Variants in TOM1L2 observed in about 807,000 individuals in gnomAD.
TOM1L2 encodes TOM1-like protein 2.
Under a neutral mutation model 67.9 loss-of-function variants are expected in TOM1L2, and 31 were observed. The observed-to-expected ratio is 0.46, with a 90% confidence interval of 0.34 to 0.62. TOM1L2 has a LOEUF of 0.62. TOM1L2 is among the 20% of genes least tolerant of loss of function. The probability of loss-of-function intolerance (pLI) is 0.01; values close to 1 mark genes in which losing one functional copy is unlikely to be tolerated. For synonymous variants in TOM1L2, 256 were observed against 254.0 expected, an observed-to-expected ratio of 1.01 and a Z score of -0.07; for missense variants, 606 against 663.5, an observed-to-expected ratio of 0.91 and a Z score of 0.95.
intron 1 of TOM1L2, among the ~76,000 whole-genome samples, chr17:17,947,297 T>C (rs2040993685): frequency 6.6e-6 from 1 of 152,164 alleles, no homozygotes; most frequent in South Asian, 2.1e-4. Flanking sequence ...GTGCTGGGAT[T>C]ATAGACATGA....
intron 1 of TOM1L2, among the ~76,000 whole-genome samples, chr17:17,929,056 C>G (rs577721082): frequency 3.2e-4 from 49 of 152,310 alleles, no homozygotes; most frequent in African/African-American, 1.2e-3. Flanking sequence ...TGAAGATTCC[C>G]CAAGCACTGC....
At chr17:17,912,172 C>T (rs1169649299) in intron 1 of TOM1L2, among the ~76,000 whole-genome samples, 1 of 152,286 alleles carries the variant, frequency 6.6e-6, no homozygotes, top group African/African-American at 2.4e-5. Context: ...CCGCTGGGCA[C>T]ACCTCCCAGA....
intron 12 of TOM1L2, among the ~76,000 whole-genome samples, chr17:17,852,627 A>G (rs2036036544): frequency 6.6e-6 from 1 of 152,216 alleles, no homozygotes; most frequent in South Asian, 2.1e-4. Flanking sequence ...GCACTTTGGG[A>G]GGCCGAGGCG....
intron 1 of TOM1L2, among the ~76,000 whole-genome samples, chr17:17,928,449 C>T (rs1247568535): frequency 6.6e-6 from 1 of 152,192 alleles, no homozygotes; most frequent in African/African-American, 2.4e-5. Context: ...ATATTATGTG[C>T]ATACTAATCA....
At chr17:17,933,144 C>T (rs1343779452) in intron 1 of TOM1L2, among the ~76,000 whole-genome samples, 1 of 152,160 alleles carries the variant, frequency 6.6e-6, no homozygotes, top group Non-Finnish European at 1.5e-5. Flanking sequence ...GACCCAGGAA[C>T]TTTTTGTCTT....
chr17:17,952,376 CTTTTTTTTTTTTTTTTTT>C (rs60388742), intron 1 of TOM1L2, among the ~76,000 whole-genome samples: 1 of 79,920 alleles, frequency 1.3e-5, no homozygotes, highest in African/African-American at 4.4e-5. Flanking sequence ...TCTTTATTTT[CTTTTTTTTTTTTTTTTTT>C]TTTTTTTTTT....
At chr17:17,968,795 T>G (rs532355371) in intron 1 of TOM1L2, among the ~76,000 whole-genome samples, 1 of 152,212 alleles carries the variant, frequency 6.6e-6, no homozygotes, top group Admixed American at 6.5e-5. Context: ...TACTCACAGA[T>G]GTGCCTGTGC....
At chr17:17,917,993 T>C (rs2039700522) in intron 1 of TOM1L2, among the ~76,000 whole-genome samples, 1 of 152,166 alleles carries the variant, frequency 6.6e-6, no homozygotes, top group African/African-American at 2.4e-5. Flanking sequence ...CAGGATGTTT[T>C]TCCATATATT....
chr17:17,883,439 A>G (rs899094400), intron 5 of TOM1L2, among the ~76,000 whole-genome samples: 4 of 152,322 alleles, frequency 2.6e-5, no homozygotes, highest in Admixed American at 1.3e-4. Context: ...GCCTCCAGAA[A>G]GGGCAATCCC....
intron 2 of TOM1L2, among the ~76,000 whole-genome samples, chr17:17,901,426 C>T (rs1454714921): frequency 6.6e-6 from 1 of 152,182 alleles, no homozygotes; most frequent in Non-Finnish European, 1.5e-5. Context: ...CTCACAGCCT[C>T]GTGATTTGGC....
chr17:17,853,445 T>A (rs992452390), intron 12 of TOM1L2, among the ~76,000 whole-genome samples: 1 of 152,208 alleles, frequency 6.6e-6, no homozygotes, highest in African/African-American at 2.4e-5. Flanking sequence ...AACAAATCCC[T>A]TGAGGCCTGG....
chr17:17,869,305 A>AG (rs1405136407), intron 8 of TOM1L2, 35 bp downstream of exon 8: 33 of 1,551,730 alleles, frequency 2.1e-5, no homozygotes, highest in Non-Finnish European at 2.4e-5. Context: ...AATCTTTTCA[A>AG]GGGAAAAAAA....
chr17:17,891,326 A>G (rs2038260555), intron 4 of TOM1L2, among the ~76,000 whole-genome samples: 1 of 152,220 alleles, frequency 6.6e-6, no homozygotes, highest in Non-Finnish European at 1.5e-5. Flanking sequence ...CATGCCCACA[A>G]TAAATTAGTA....
intron 1 of TOM1L2, among the ~76,000 whole-genome samples, chr17:17,956,859 A>G (rs989705783): frequency 1.4e-4 from 21 of 151,932 alleles, no homozygotes; most frequent in Non-Finnish European, 2.8e-4. Flanking sequence ...CTCCCTCCAC[A>G]TCTCCCTGCA....
At chr17:17,869,118 A>T in intron 8 of TOM1L2, 1 of 779,282 alleles carries the variant, frequency 1.3e-6, no homozygotes, top group Non-Finnish European at 1.9e-6. Flanking sequence ...GGCAGAGCCT[A>T]ATTCTGCACG....
At chr17:17,927,898 CA>C (rs1266244776) in intron 1 of TOM1L2, among the ~76,000 whole-genome samples, 1 of 152,124 alleles carries the variant, frequency 6.6e-6, no homozygotes, top group East Asian at 1.9e-4. Context: ...GTTGGGATTA[CA>C]GGCATGAACC....
intron 3 of TOM1L2, 48 bp from the exon 4 acceptor site, chr17:17,893,858 AAGACACTGGGAACTGAGGAGC>A: frequency 6.3e-7 from 1 of 1,586,332 alleles, no homozygotes; most frequent in Non-Finnish European, 8.6e-7. Context: ...GGAGCTGGAG[AAGACACTGGGAACTGAGGAGC>A]GCAGCTGAGT....
chr17:17,882,347 CGA>C (rs1470389696), intron 6 of TOM1L2, among the ~76,000 whole-genome samples: 9 of 152,236 alleles, frequency 5.9e-5, no homozygotes, highest in Non-Finnish European at 1.0e-4. Flanking sequence ...CCTGCTGCTC[CGA>C]GAGAGCAGCG....
intron 2 of TOM1L2, among the ~76,000 whole-genome samples, chr17:17,905,548 T>C (rs1178858143): frequency 6.6e-6 from 1 of 152,222 alleles, no homozygotes; most frequent in Non-Finnish European, 1.5e-5. Flanking sequence ...TTCTTCTTTT[T>C]TCTTTTTAGA....
Sources: gnomAD v4.1 joint callset for allele counts (sites outside exome capture counted in the v4.1 genomes callset) on GRCh38, gnomAD v4.1.1 for gene constraint, MANE v1.5 for transcripts, NCBI Gene and HGNC (gene_info 2026-07-23, HGNC 2026-07-21) for gene names.